Variants in PRELID2 observed in about 807,000 individuals in gnomAD.
The protein encoded by PRELID2 is PRELI domain-containing protein 2.
In PRELID2, 25 loss-of-function variants were observed where a neutral mutation model predicts 28.4. The observed-to-expected ratio is 0.88, with a 90% CI of 0.64 to 1.23. The LOEUF is 1.23. PRELID2 is among the 50% of genes most tolerant of loss of function. The pLI, the probability that PRELID2 is intolerant of heterozygous loss-of-function variation, is 0.00. For missense variants in PRELID2, 201 were observed against 214.4 expected, an observed-to-expected ratio of 0.94 and a Z score of 0.39; for synonymous variants, 76 against 71.6, an observed-to-expected ratio of 1.06 and a Z score of -0.31.
At chr5:145,556,880 C>T (rs1020825303) in intron 1 of PRELID2, among the ~76,000 whole-genome samples, 14 of 152,178 alleles carry the variant, frequency 9.2e-5, no homozygotes, top group African/African-American at 3.4e-4. Context: ...ACTCCTCCTA[C>T]TCATCCTCTG....
At chr5:145,616,241 G>A (rs79155448) in intron 1 of PRELID2, among the ~76,000 whole-genome samples, 19,639 of 152,080 alleles carry the variant, frequency 0.13, 1,802 homozygotes, top group African/African-American at 0.23. Context: ...TTTGTGATGG[G>A]TCCCCCAGGT....
downstream of PRELID2, among the ~76,000 whole-genome samples, chr5:145,467,014 T>C (rs1386644903): frequency 6.6e-6 from 1 of 152,110 alleles, no homozygotes; most frequent in East Asian, 1.9e-4. Flanking sequence ...ACTAGTAAAT[T>C]TGAAAGGTCT....
chr5:145,425,304 G>A, the PRELID2 span, among the ~76,000 whole-genome samples: 3 of 152,176 alleles, frequency 2.0e-5, no homozygotes, highest in African/African-American at 7.2e-5. Flanking sequence ...TACACTGTTG[G>A]TGGAAGTGTA....
chr5:145,334,379 T>G, the PRELID2 span, among the ~76,000 whole-genome samples: 2 of 152,236 alleles, frequency 1.3e-5, no homozygotes, highest in South Asian at 4.1e-4. Context: ...AACTTTATCT[T>G]ATTAATGTCA....
At chr5:145,814,344 C>T (rs1445360882) in intron 4 of PRELID2, among the ~76,000 whole-genome samples, 1 of 152,126 alleles carries the variant, frequency 6.6e-6, no homozygotes, top group Non-Finnish European at 1.5e-5. Context: ...TTTGCTATTT[C>T]TACATACAAA....
chr5:145,412,346 C>A, the PRELID2 span, among the ~76,000 whole-genome samples: 1 of 152,162 alleles, frequency 6.6e-6, no homozygotes, highest in Non-Finnish European at 1.5e-5. Context: ...GTTCAAAGTT[C>A]CACAGATCCA....
rs150678621 is a variant in PRELID2, at chr5:145,637,365, T to C, written n.70+127566A>G. On this transcript the variant is annotated intron_variant and non_coding_transcript_variant, in intron 1 of 2. Transcript: ENST00000510259. ...GTCCAGTGCCCCATGCCTGGGAATG[T>C]TGGAATCAGGAAATGAACACAGGTA... is the stretch of plus-strand genomic sequence containing the variant. Among the ~76,000 whole-genome samples, 382 of 152,252 alleles carry C rather than the reference T, an allele frequency of 2.5e-3. 12 individuals carry two copies. In the East Asian group the frequency reaches 0.052, roughly 21 times the overall value.
intron 1 of PRELID2, among the ~76,000 whole-genome samples, chr5:145,587,798 G>T (rs1753174955): frequency 6.6e-6 from 1 of 152,144 alleles, no homozygotes; most frequent in South Asian, 2.1e-4. Flanking sequence ...ATTTGACTCA[G>T]ATTTTCCCTG....
chr5:145,823,704 A>G (rs1754984898), intron 1 of PRELID2, among the ~76,000 whole-genome samples: 1 of 152,232 alleles, frequency 6.6e-6, no homozygotes, highest in African/African-American at 2.4e-5. Flanking sequence ...TTAGCATCAC[A>G]GTAGCATAGT....
the PRELID2 span, among the ~76,000 whole-genome samples, chr5:145,236,722 G>A: frequency 5.3e-5 from 8 of 151,780 alleles, no homozygotes; most frequent in Non-Finnish European, 1.0e-4. Flanking sequence ...AGATTTACTG[G>A]GCACTGACCA....
intron 1 of PRELID2, among the ~76,000 whole-genome samples, chr5:145,689,656 C>A (rs568310360): frequency 4.6e-5 from 7 of 152,280 alleles, no homozygotes; most frequent in African/African-American, 1.7e-4. Context: ...AACTGAGAGC[C>A]ATGGATTTAA....
chr5:145,409,800 T>C, the PRELID2 span, among the ~76,000 whole-genome samples: 1 of 145,932 alleles, frequency 6.9e-6, no homozygotes, highest in Non-Finnish European at 1.5e-5. Context: ...GATTAAAAGA[T>C]TCATCCAACA....
At chr5:145,553,192 C>CG (rs774794719) in intron 1 of PRELID2, among the ~76,000 whole-genome samples, 3 of 138,874 alleles carry the variant, frequency 2.2e-5, no homozygotes, top group South Asian at 2.5e-4. Flanking sequence ...ACCCCCCCCC[C>CG]CAAAAAAAAA....
At chr5:145,331,701 G>A in the PRELID2 span, among the ~76,000 whole-genome samples, 1 of 152,052 alleles carries the variant, frequency 6.6e-6, no homozygotes, top group African/African-American at 2.4e-5. Context: ...ACAGCACACT[G>A]ATGGGTCTTG....
intron 1 of PRELID2, among the ~76,000 whole-genome samples, chr5:145,611,875 T>A (rs1753621938): frequency 2.0e-5 from 3 of 152,158 alleles, no homozygotes; most frequent in Non-Finnish European, 4.4e-5. Context: ...ATATAGTAGA[T>A]CTAGCTCTAT....
rs556968353 is a variant in PRELID2, at chr5:145,696,035, C to T, written n.70+68896G>A. Among the ~76,000 whole-genome samples the T allele has an allele frequency of 9.2e-5, 14 of 151,894 alleles. No homozygotes were observed. In the South Asian group the frequency reaches 2.7e-3, roughly 29 times the overall value. On this transcript the variant is annotated intron_variant and non_coding_transcript_variant, in intron 1 of 2. Transcript: ENST00000510259. ...TATATGTATGTGTGCATATGTGTATCTCGATATAACTCTTTCTAAATATGC... is the reference window on the plus strand; with the variant it reads ...TATATGTATGTGTGCATATGTGTATTTCGATATAACTCTTTCTAAATATGC...
At chr5:145,786,419 C>A (rs138453525) in intron 5 of PRELID2, among the ~76,000 whole-genome samples, 4 of 152,308 alleles carry the variant, frequency 2.6e-5, no homozygotes, top group African/African-American at 4.8e-5. Flanking sequence ...CTTGCTCTCA[C>A]GCTCACTGCC....
intron 1 of PRELID2, among the ~76,000 whole-genome samples, chr5:145,590,425 T>C (rs1038417055): frequency 2.0e-5 from 3 of 152,216 alleles, no homozygotes; most frequent in African/African-American, 7.2e-5. Context: ...TATTTATTTA[T>C]TTATTGTTTA....
intron 1 of PRELID2, among the ~76,000 whole-genome samples, chr5:145,615,799 T>C (rs1156566349): frequency 6.6e-6 from 1 of 152,214 alleles, no homozygotes; most frequent in Admixed American, 6.5e-5. Context: ...TTTAATCTTT[T>C]TGCTTTTTAA....
Sources: gnomAD v4.1 joint callset for allele counts (sites outside exome capture counted in the v4.1 genomes callset) on GRCh38, gnomAD v4.1.1 for gene constraint, MANE v1.5 for transcripts, NCBI Gene and HGNC (gene_info 2026-07-23, HGNC 2026-07-21) for gene names.